The following PHF14 variants were observed in gnomAD, a reference collection of about 807,000 sequenced individuals.
PHF14 encodes PHD finger protein 14.
Under a neutral mutation model 117.9 loss-of-function variants are expected in PHF14, and 55 were observed. The observed-to-expected ratio is 0.47, with a 90% CI of 0.38 to 0.58. The LOEUF (loss-of-function observed/expected upper bound fraction) is 0.58, where lower values mean the gene tolerates loss of function less well. Ranked by LOEUF, PHF14 falls within the 20% of genes least tolerant of loss-of-function variation. The pLI, the probability that PHF14 is intolerant of heterozygous loss-of-function variation, is 0.00. For missense variants in PHF14, 978 were observed against 1,122.2 expected, an observed-to-expected ratio of 0.87 and a Z score of 1.84; for synonymous variants, 409 against 368.6, an observed-to-expected ratio of 1.11 and a Z score of -1.26.
chr7:10,987,978 T>C (rs546163520), intron 3 of PHF14, among the ~76,000 whole-genome samples: 4 of 137,548 alleles, frequency 2.9e-5, no homozygotes, highest in South Asian at 2.2e-4. Context: ...ATCCCACCAT[T>C]GCACTCCAGC....
rs747467173 is a variant in PHF14 at position 11,122,352 on chromosome 7, T to TACACACACAC, written c.2772+10909_2772+10918dup. Among the ~76,000 whole-genome samples, 340 of 65,406 alleles carry TACACACACAC rather than the reference T, an allele frequency of 5.2e-3. 7 individuals carry two copies. Among genetic ancestry groups the TACACACACAC allele is most frequent in the East Asian group, 0.046 (77 of 1,676 alleles). The allele number at this position is 65,406 out of a possible 152,430, so 42.9% of individuals were successfully genotyped here. A position where few individuals can be genotyped will look rare whatever the true frequency, so the allele number is the denominator to read the frequency against. Reference sequence around the variant, plus strand: ...CTTTTTATATATATATATATATATATACACACACACACACACACACACACA... The same window carrying TACACACACAC: ...CTTTTTATATATATATATATATATATACACACACACACACACACACACACACACACACACA... On this transcript the variant is annotated intron_variant, in intron 17 of 17. Coordinates refer to ENST00000634607, the MANE Select transcript of PHF14 (RefSeq NM_001007157.2).
At chr7:10,980,815 T>C (rs1782023169) in intron 2 of PHF14, among the ~76,000 whole-genome samples, 1 of 152,220 alleles carries the variant, frequency 6.6e-6, no homozygotes, top group Non-Finnish European at 1.5e-5. Context: ...GCATGTTCCA[T>C]GTTACCCTTG....
At chr7:11,153,948 C>CGTGTGTGTGTGTGT (rs10593375) in intron 17 of PHF14, among the ~76,000 whole-genome samples, 36 of 149,276 alleles carry the variant, frequency 2.4e-4, no homozygotes, top group African/African-American at 8.9e-4. Context: ...TCTGTGTGTG[C>CGTGTGTGTGTGTGT]GTGTGTGTGT....
intron 16 of PHF14, among the ~76,000 whole-genome samples, chr7:11,087,366 A>AT (rs1786453020): frequency 6.6e-6 from 1 of 151,854 alleles, no homozygotes; most frequent in Non-Finnish European, 1.5e-5. Flanking sequence ...TAATTTTTAT[A>AT]TTTTTAGTAG....
intron 16 of PHF14, 63 bp downstream of exon 16, chr7:11,062,148 C>T (rs769496262): frequency 9.3e-6 from 13 of 1,400,380 alleles, no homozygotes; most frequent in Non-Finnish European, 1.3e-5. Context: ...TTTCTCATCA[C>T]AGAAAAAATG....
intron 16 of PHF14, among the ~76,000 whole-genome samples, chr7:11,078,769 C>T (rs959333378): frequency 1.3e-5 from 2 of 152,018 alleles, no homozygotes; most frequent in African/African-American, 2.4e-5. Flanking sequence ...AATTATAACG[C>T]AGTCACTTTT....
intron 16 of PHF14, among the ~76,000 whole-genome samples, chr7:11,067,909 C>G (rs944732246): frequency 2.6e-4 from 40 of 152,134 alleles, no homozygotes; most frequent in African/African-American, 9.4e-4. Context: ...GGTCAATAAT[C>G]TCTTCATGAA....
intron 13 of PHF14, 141 bp from the exon 14 acceptor site, chr7:11,051,471 A>G (rs1376840452): frequency 3.2e-6 from 2 of 634,562 alleles, no homozygotes; most frequent in Non-Finnish European, 5.2e-6. Flanking sequence ...ATGTTTTTTC[A>G]TTATGTACCC....
chr7:10,990,867 T>G lies in PHF14; in HGVS notation c.1045+20T>G. 6.5e-7 allele frequency: 1 copy of G among 1,546,558 alleles called. No homozygotes were observed. Among genetic ancestry groups the G allele is most frequent in the East Asian group, 2.3e-5 (1 of 42,902 alleles). On this transcript the variant is annotated intron_variant, in intron 4 of 17. Coordinates refer to ENST00000634607, the MANE Select transcript of PHF14 (RefSeq NM_001007157.2). ...ATGAAGGTAATGTTGCTTTCTTTTCTCTCTTTTTAGAAATGGCTGACTGTG... is the reference window on the plus strand; with the variant it reads ...ATGAAGGTAATGTTGCTTTCTTTTCGCTCTTTTTAGAAATGGCTGACTGTG...
At chr7:11,029,091 A>G (rs1462895518) in intron 7 of PHF14, among the ~76,000 whole-genome samples, 2 of 152,056 alleles carry the variant, frequency 1.3e-5, no homozygotes, top group Admixed American at 1.3e-4. Flanking sequence ...AAATGTCGGC[A>G]TTTCAGCCCC....
At chr7:11,163,559 G>A (rs116354168) in intron 17 of PHF14, among the ~76,000 whole-genome samples, 382 of 152,192 alleles carry the variant, frequency 2.5e-3, no homozygotes, top group African/African-American at 8.2e-3. Flanking sequence ...CACACATTTC[G>A]CACTTTACTT....
chr7:11,104,722 C>A, intron 16 of PHF14: 1 of 715,852 alleles, frequency 1.4e-6, no homozygotes, highest in Non-Finnish European at 1.7e-6. Flanking sequence ...CTACCCTATT[C>A]CTCTCCTGGA....
At chr7:11,049,550 A>T (rs1784784210) in intron 13 of PHF14, among the ~76,000 whole-genome samples, 2 of 152,016 alleles carry the variant, frequency 1.3e-5, no homozygotes, top group East Asian at 3.9e-4. Flanking sequence ...GATAGAAATG[A>T]TCAGTTAGCA....
intron 14 of PHF14, among the ~76,000 whole-genome samples, chr7:11,057,704 A>C (rs1021283056): frequency 6.6e-6 from 1 of 152,170 alleles, no homozygotes; most frequent in African/African-American, 2.4e-5. Context: ...TGCCTGCTAG[A>C]TAAGATAATT....
chr7:11,069,708 G>A (rs1300150957), intron 16 of PHF14, among the ~76,000 whole-genome samples: 5 of 120,684 alleles, frequency 4.1e-5, no homozygotes, highest in African/African-American at 1.6e-4. Flanking sequence ...CTTCTTTCTT[G>A]TCTTTCCTTT....
chr7:11,155,066 G>T (rs532324240), intron 17 of PHF14, among the ~76,000 whole-genome samples: 1 of 152,082 alleles, frequency 6.6e-6, no homozygotes, highest in African/African-American at 2.4e-5. Context: ...AAAAACTGTC[G>T]TAAAGTTAAG....
In PHF14 at chr7:11,038,050, T is replaced by TA; in HGVS notation, c.1981-709dup. 2.0e-5 allele frequency among the ~76,000 whole-genome samples: 3 copies of TA among 152,276 alleles called. No homozygotes were observed. The South Asian group carries it at 6.2e-4, about 32-fold the overall frequency. On this transcript the variant is annotated intron_variant, in intron 10 of 17. Coordinates refer to ENST00000634607, the MANE Select transcript of PHF14 (RefSeq NM_001007157.2). ...AAATGCCAGCAGAAAACAAAATGCT[T>TA]ACAGCAACAAATACTGCTGAATAAT...
chr7:11,103,597 GTAAAT>G lies in PHF14; in HGVS notation c.2655-7751_2655-7747del. Reference sequence around the variant, plus strand: ...CTGAAATTGAATTGCACTTATACATGTAAATTGTCAACATGTAATTTGGAATTTTC... The same window carrying G: ...CTGAAATTGAATTGCACTTATACATGTGTCAACATGTAATTTGGAATTTTC... On this transcript the variant is annotated intron_variant, in intron 16 of 17. Transcript: ENST00000634607. The G allele has an allele frequency of 4.1e-6, 4 of 984,362 alleles. No homozygotes were observed. In the South Asian group the frequency reaches 1.9e-4, roughly 46 times the overall value. The allele number at this position is 984,362 out of a possible 1,614,324, so 61.0% of individuals were successfully genotyped here.
intron 3 of PHF14, among the ~76,000 whole-genome samples, chr7:10,988,738 A>T (rs113198861): frequency 3.9e-5 from 6 of 152,288 alleles, no homozygotes; most frequent in African/African-American, 1.4e-4. Flanking sequence ...TACAGCGGAA[A>T]GGAAAAGGCA....
Sources: gnomAD v4.1 joint callset for allele counts (sites outside exome capture counted in the v4.1 genomes callset) on GRCh38, gnomAD v4.1.1 for gene constraint, MANE v1.5 for transcripts, NCBI Gene and HGNC (gene_info 2026-07-23, HGNC 2026-07-21) for gene names.